BTBD17: variants seen among roughly 807,000 people sequenced by gnomAD.
The protein encoded by BTBD17 is BTB domain containing 17, also known as BTB/POZ domain-containing protein 17.
In BTBD17, 26 loss-of-function variants were observed where a neutral mutation model predicts 36.9. The observed-to-expected ratio is 0.70, with a 90% confidence interval of 0.52 to 0.98. The LOEUF is 0.98. Ranked by LOEUF, BTBD17 falls within the 50% of genes least tolerant of loss-of-function variation. The pLI is 0.00. For synonymous variants in BTBD17, 341 were observed against 338.0 expected (o/e 1.01, Z -0.10); for missense variants, 630 against 691.3 (o/e 0.91, Z 0.99).
rs767123529 is a variant in BTBD17 at position 74,357,349 on chromosome 17, C to A, written c.745G>T (p.Glu249Ter). Reference sequence around the variant, plus strand: ...TAGCGTATGGCGCGCAGCGCCCGCTCGGCCACGGCAGGGGGCGGCCGCGCG... The same window carrying A: ...TAGCGTATGGCGCGCAGCGCCCGCTAGGCCACGGCAGGGGGCGGCCGCGCG... ...GRARPPPAVA[E>*]RALRAIRYPM... The change falls in exon 3 of 3, where the codon GAG becomes TAG. Residue 249 changes from glutamate (E) to a stop codon, truncating the protein, a stop_gained. Coordinates refer to ENST00000375366, the MANE Select transcript of BTBD17 (RefSeq NM_001080466.2). LOFTEE classifies it high-confidence loss of function. The surrounding 1 kb of genome is among the most constrained non-coding windows in gnomAD (Gnocchi z 8.4). The A allele has an allele frequency of 2.1e-5, 32 of 1,551,780 alleles. No homozygotes were observed. In the South Asian group the frequency reaches 3.7e-4, roughly 18 times the overall value.
At position 74,357,256 on chromosome 17, in the gene BTBD17, G is replaced by T; in HGVS notation, c.838C>A (p.Pro280Thr). The T allele has an allele frequency of 6.4e-7, 1 of 1,562,912 alleles. No homozygotes were observed. Among genetic ancestry groups the T allele is most frequent in the East Asian group, 2.5e-5 (1 of 40,670 alleles). The change falls in exon 3 of 3, where the codon CCC becomes ACC. Residue 280 changes from proline (P) to threonine (T), a missense_variant. Pro to Thr is a conservative substitution (Grantham distance 38). Transcript: ENST00000375366. This position sits in a 1 kb window ranked among gnomAD's most constrained non-coding sequence, Gnocchi z 8.4. ...TGCAGCAGGAGGTCGGCCACCGCGG[G>T]GCCGTGGCGCGCCAGGGCTGCCGAG... ...ARSAALARHG[P>T]AVADLLLQAY... is the part of the protein sequence containing the mutation.
In BTBD17 at chr17:74,358,033, G is replaced by A. The variant is rs542403558; in HGVS notation, c.363-302C>T. The stretch of plus-strand genomic sequence containing the variant: ...AAAACAGACGTGGCTCCTGCCTTTG[G>A]GGTTTCCAGTCTGGTTGGGATCCAT... On this transcript the variant is annotated intron_variant, in intron 2 of 2. Coordinates refer to ENST00000375366, the MANE Select transcript of BTBD17 (RefSeq NM_001080466.2). Among the ~76,000 whole-genome samples the A allele has an allele frequency of 4.6e-5, 7 of 152,328 alleles. No homozygotes were observed. The East Asian group carries it at 1.4e-3, about 29-fold the overall frequency.
chr17:74,357,352 C>A lies in BTBD17; in HGVS notation c.742G>T (p.Ala248Ser). The change falls in exon 3 of 3, where the codon GCC (alanine) becomes TCC (serine). Residue 248 changes from alanine to serine, a missense_variant. By Grantham distance (99) the Ala-to-Ser change is moderately conservative. Transcript: ENST00000375366. The surrounding 1 kb of genome is among the most constrained non-coding windows in gnomAD (Gnocchi z 8.4). ...LGRARPPPAV[A>S]ERALRAIRYP... is the part of the protein sequence containing the mutation. ...CGTATGGCGCGCAGCGCCCGCTCGG[C>A]CACGGCAGGGGGCGGCCGCGCGCGA... 6.4e-7 allele frequency: 1 copy of A among 1,552,220 alleles called. No homozygotes were observed. The highest frequency in any genetic ancestry group is 8.6e-7 in the Non-Finnish European group (1 of 1,157,188).
intron 2 of BTBD17, 82 bp downstream of exon 2, chr17:74,359,887 C>T: frequency 2.8e-6 from 4 of 1,454,084 alleles, no homozygotes; most frequent in Non-Finnish European, 2.8e-6. Flanking sequence ...CTCTAAGGGC[C>T]TGGGCTTCCC....
rs1204026374 is a variant in BTBD17 at position 74,359,983 on chromosome 17, G to A, written c.348C>T (p.Phe116=). The change falls in exon 2 of 3, where the codon TTC becomes TTT. Residue 116 remains phenylalanine, a synonymous_variant. Transcript: ENST00000375366. ...LQEPQDCAAV[F]DKFIRYLYCG... The stretch of plus-strand genomic sequence containing the variant: ...CGCGTCCCCACCTGATGAACTTGTC[G>A]AAGACAGCGGCGCAGTCCTGTGGCT... The A allele has an allele frequency of 5.6e-6, 9 of 1,608,738 alleles. No homozygotes were observed. The highest frequency in any genetic ancestry group is 2.2e-5 in the South Asian group (2 of 91,002).
Position 74,358,727 on chromosome 17 carries a change from CA to C in BTBD17, c.363-997del, listed in dbSNP as rs555251673. 2.1e-4 allele frequency among the ~76,000 whole-genome samples: 32 copies of C among 152,228 alleles called. No individual in the cohort carries two copies. The East Asian group carries it at 5.6e-3, about 27-fold the overall frequency. ...ATGGCTCACCTTTCCTGCCAGTCCC[CA>C]CCGGCACACGGCACCGCACTTGCCT... On this transcript the variant is annotated intron_variant, in intron 2 of 2. Transcript: ENST00000375366.
chr17:74,362,868 T>G (rs1296032689), upstream of BTBD17, among the ~76,000 whole-genome samples: 3 of 152,170 alleles, frequency 2.0e-5, no homozygotes, highest in Non-Finnish European at 2.9e-5. Context: ...GGAGCTAGGT[T>G]GCAGTCTCAG....
In BTBD17 at chr17:74,356,535, C is replaced by A. The variant is rs2054889350; in HGVS notation, c.*122G>T. 2.2e-6 allele frequency: 3 copies of A among 1,336,092 alleles called. No homozygotes were observed. The East Asian group carries it at 9.1e-5, about 41-fold the overall frequency. The allele number at this position is 1,336,092 out of a possible 1,614,324, so 82.8% of individuals were successfully genotyped here. A position where few individuals can be genotyped will look rare whatever the true frequency, so the allele number is the denominator to read the frequency against. ...CGCCTCACCTGGACTCCACCCCAGCCCTAGGGTGGCCGGCGCCTGGCCATC... is the reference window on the plus strand; with the variant it reads ...CGCCTCACCTGGACTCCACCCCAGCACTAGGGTGGCCGGCGCCTGGCCATC... On this transcript the variant is annotated 3_prime_UTR_variant, in exon 3 of 3. Coordinates refer to ENST00000375366, the MANE Select transcript of BTBD17 (RefSeq NM_001080466.2). This position sits in a 1 kb window ranked among gnomAD's most constrained non-coding sequence, Gnocchi z 4.3.
chr17:74,359,949 CT>C lies in BTBD17; in HGVS notation c.362+19del, dbSNP rs1396677118. 6.3e-7 allele frequency: 1 copy of C among 1,597,576 alleles called. No homozygotes were observed. The highest frequency in any genetic ancestry group is 1.7e-5 in the Admixed American group (1 of 59,702). On this transcript the variant is annotated intron_variant, in intron 2 of 2. Transcript: ENST00000375366. ...GCTGAGGAAGGGATGAAGCCATCCCCTAGTCTTCCGCGTCCCCACCTGATGA... is the reference window on the plus strand; with the variant it reads ...GCTGAGGAAGGGATGAAGCCATCCCCAGTCTTCCGCGTCCCCACCTGATGA...
Position 74,356,799 on chromosome 17 carries a change from T to A in BTBD17, c.1295A>T (p.His432Leu), listed in dbSNP as rs778322306. Residue 432 changes from histidine to leucine, a missense_variant, in exon 3 of 3, where the codon CAC becomes CTC. Physicochemically the swap from His to Leu is moderately conservative, Grantham distance 99. Transcript: ENST00000375366. The surrounding 1 kb of genome is among the most constrained non-coding windows in gnomAD (Gnocchi z 4.3). ...GTCGCCGGCCTCCTCGCTGCTCTGG[T>A]GGAAGCTGTAGGCGTGGCGGACCAG... Reference protein sequence around the residue: ...RLLVRHAYSFHQSSEEAGDFL... With the variant: ...RLLVRHAYSFLQSSEEAGDFL... 6.3e-7 allele frequency: 1 copy of A among 1,599,382 alleles called. No homozygotes were observed. The highest frequency in any genetic ancestry group is 1.7e-4 in the Middle Eastern group (1 of 6,026).
chr17:74,360,242 T>C lies in BTBD17; in HGVS notation c.89A>G (p.Gln30Arg). 1 of 1,603,228 alleles carries C rather than the reference T, an allele frequency of 6.2e-7. No homozygotes were observed. The highest frequency in any genetic ancestry group is 8.5e-7 in the Non-Finnish European group (1 of 1,173,736). Residue 30 changes from glutamine to arginine, a missense_variant, in exon 2 of 3, where the codon CAG (glutamine) becomes CGG (arginine). Physicochemically the swap from Gln to Arg is conservative, Grantham distance 43. Coordinates refer to ENST00000375366, the MANE Select transcript of BTBD17 (RefSeq NM_001080466.2). ...TGCCTCCCCGCCAACATCGGCTCTC[T>C]GTGCTGCAGCAGGAAGGAACACAGC... ...TLVGLVTHAA[Q>R]RADVGGEAAG...
chr17:74,357,049 C>T lies in BTBD17; in HGVS notation c.1045G>A (p.Asp349Asn), dbSNP rs1311221048. 3.3e-6 allele frequency: 5 copies of T among 1,529,172 alleles called. No individual in the cohort carries two copies. Among genetic ancestry groups the T allele is most frequent in the African/African-American group, 2.9e-5 (2 of 69,750 alleles). 94.7% of individuals were successfully genotyped at this position (1,529,172 alleles called of 1,614,324 possible). The change falls in exon 3 of 3, where the codon GAC becomes AAC. Residue 349 changes from aspartate (D) to asparagine (N), a missense_variant. Transcript: ENST00000375366. This position sits in a 1 kb window ranked among gnomAD's most constrained non-coding sequence, Gnocchi z 8.4. ...TTCCAGGTGACCCGGCGGCCCGCGT[C>T]GTGGCCACTCGGGCCCAGCTGCGTC... ...FQTQLGPSGH[D>N]AGRRVTWNVL...
intron 2 of BTBD17, among the ~76,000 whole-genome samples, chr17:74,358,879 A>T (rs1344680342): frequency 2.0e-5 from 3 of 152,208 alleles, no homozygotes; most frequent in African/African-American, 7.2e-5. Flanking sequence ...GGCCTTGGCC[A>T]TGTGACTAAC....
rs750789080 is a variant in BTBD17 at position 74,357,752 on chromosome 17, T to C, written c.363-21A>G. The C allele has an allele frequency of 3.0e-4, 452 of 1,514,938 alleles. No homozygotes were observed. The highest frequency in any genetic ancestry group is 3.8e-4 in the Non-Finnish European group (435 of 1,132,132). 93.8% of individuals were successfully genotyped at this position (1,514,938 alleles called of 1,614,324 possible). On this transcript the variant is annotated intron_variant, in intron 2 of 2. Coordinates refer to ENST00000375366, the MANE Select transcript of BTBD17 (RefSeq NM_001080466.2). The surrounding 1 kb of genome is among the most constrained non-coding windows in gnomAD (Gnocchi z 8.4). Reference sequence around the variant, plus strand: ...GGTACCTGCGGGAGAGACCGAGAGGTGGGGCGGGGTCAGGGCGGTACCCAC... The same window carrying C: ...GGTACCTGCGGGAGAGACCGAGAGGCGGGGCGGGGTCAGGGCGGTACCCAC...
chr17:74,356,805 C>A lies in BTBD17; in HGVS notation c.1289G>T (p.Ser430Ile). ...QGRLLVRHAY[S>I]FHQSSEEAGD... ...GGCCTCCTCGCTGCTCTGGTGGAAG[C>A]TGTAGGCGTGGCGGACCAGCAGGCG... Residue 430 changes from serine to isoleucine, a missense_variant, in exon 3 of 3, where the codon AGC (serine) becomes ATC (isoleucine). Ser to Ile is a moderately radical substitution (Grantham distance 142, BLOSUM62 -2). Coordinates refer to ENST00000375366, the MANE Select transcript of BTBD17 (RefSeq NM_001080466.2). This position sits in a 1 kb window ranked among gnomAD's most constrained non-coding sequence, Gnocchi z 4.3. 6.3e-7 allele frequency: 1 copy of A among 1,593,048 alleles called. No homozygotes were observed. The highest frequency in any genetic ancestry group is 2.4e-5 in the East Asian group (1 of 42,492).
In BTBD17 at chr17:74,360,078, G is replaced by A. The variant is rs1227034998; in HGVS notation, c.253C>T (p.Leu85=). The A allele has an allele frequency of 6.2e-7, 1 of 1,613,202 alleles. No homozygotes were observed. Among genetic ancestry groups the A allele is most frequent in the African/African-American group, 1.3e-5 (1 of 74,944 alleles). Reference sequence around the variant, plus strand: ...AGCTCACTGTGCAGTCCCAGCAGCAGGCGGTGGGCGTGGAATACCCGGACC... The same window carrying A: ...AGCTCACTGTGCAGTCCCAGCAGCAAGCGGTGGGCGTGGAATACCCGGACC... ...DEVRVFHAHR[L]LLGLHSELFL... is the part of the protein sequence containing the mutation. Residue 85 remains leucine, a synonymous_variant, in exon 2 of 3, where the codon CTG becomes TTG. Transcript: ENST00000375366.
rs753580911 is a variant in BTBD17, at chr17:74,357,378, C to G, written c.716G>C (p.Gly239Ala). 1.3e-6 allele frequency: 2 copies of G among 1,559,208 alleles called. No homozygotes were observed. Among genetic ancestry groups the G allele is most frequent in the Non-Finnish European group, 1.7e-6 (2 of 1,161,652 alleles). Residue 239 changes from glycine to alanine, a missense_variant, in exon 3 of 3, where the codon GGT (glycine) becomes GCT (alanine). By Grantham distance (60) the Gly-to-Ala change is moderately conservative. Coordinates refer to ENST00000375366, the MANE Select transcript of BTBD17 (RefSeq NM_001080466.2). The surrounding 1 kb of genome is among the most constrained non-coding windows in gnomAD (Gnocchi z 8.4). The part of the protein sequence containing the change: ...ELFHALEAWL[G>A]RARPPPAVAE... ...CACGGCAGGGGGCGGCCGCGCGCGA[C>G]CCAGCCAGGCCTCCAGCGCGTGGAA...
At position 74,357,792 on chromosome 17, in the gene BTBD17, T is replaced by G. The variant is rs1467402284; in HGVS notation, c.363-61A>C. 1 of 1,372,650 alleles carries G rather than the reference T, an allele frequency of 7.3e-7. No individual in the cohort carries two copies. The highest frequency in any genetic ancestry group is 9.8e-7 in the Non-Finnish European group (1 of 1,023,540). The allele number at this position is 1,372,650 out of a possible 1,614,324, so 85.0% of individuals were successfully genotyped here. ...GCGGTACCCACCTCCCAGGATAGAT[T>G]TTTTAGAGTCCACAGGGGACCCGGC... On this transcript the variant is annotated intron_variant, in intron 2 of 2. Transcript: ENST00000375366. The surrounding 1 kb of genome is among the most constrained non-coding windows in gnomAD (Gnocchi z 8.4).
intron 1 of BTBD17, among the ~76,000 whole-genome samples, 194 bp downstream of exon 1, chr17:74,361,541 G>A (rs1424415855): frequency 6.6e-6 from 1 of 152,158 alleles, no homozygotes; most frequent in Non-Finnish European, 1.5e-5. Flanking sequence ...GGGTCCTCTT[G>A]TCCTTAAGAG....
Sources: gnomAD v4.1 joint callset for allele counts (sites outside exome capture counted in the v4.1 genomes callset) on GRCh38, gnomAD v4.1.1 for gene constraint, Gnocchi (gnomAD v3.1) non-coding constraint, MANE v1.5 for transcripts, NCBI Gene and HGNC (gene_info 2026-07-23, HGNC 2026-07-21) for gene names.